The following TNFRSF21 variants were observed in gnomAD, a reference collection of about 807,000 sequenced individuals.
TNFRSF21 encodes tumor necrosis factor receptor superfamily member 21.
In TNFRSF21, 19 loss-of-function variants were observed where a neutral mutation model predicts 45.6. The observed-to-expected ratio is 0.42, with a 90% confidence interval of 0.29 to 0.61. TNFRSF21 has a LOEUF of 0.61. TNFRSF21 is among the 20% of genes least tolerant of loss of function. The pLI is 0.23. For missense variants in TNFRSF21, 737 were observed against 851.5 expected (o/e 0.87, Z 1.67); for synonymous variants, 314 against 335.5 (o/e 0.94, Z 0.70).
chr6:47,253,848 C>A (rs1253683757), intron 3 of TNFRSF21, among the ~76,000 whole-genome samples: 1 of 152,134 alleles, frequency 6.6e-6, no homozygotes, highest in Admixed American at 6.5e-5. Context: ...TAGTAATACA[C>A]CCTTGTTGAA....
intron 3 of TNFRSF21, among the ~76,000 whole-genome samples, chr6:47,270,813 A>G (rs1429285201): frequency 1.3e-5 from 2 of 152,234 alleles, no homozygotes; most frequent in Non-Finnish European, 2.9e-5. Flanking sequence ...AGTGTAGAGA[A>G]GACCTTAAAT....
intron 1 of TNFRSF21, among the ~76,000 whole-genome samples, chr6:47,304,314 T>C (rs1023342978): frequency 2.0e-5 from 3 of 152,154 alleles, no homozygotes; most frequent in Non-Finnish European, 4.4e-5. Flanking sequence ...AAAAAGATGT[T>C]TATTTAAGGC....
In TNFRSF21 at chr6:47,232,659, AAAC is replaced by A. The variant is rs1764604875; in HGVS notation, c.*103_*105del. On this transcript the variant is annotated 3_prime_UTR_variant, in exon 6 of 6. Transcript: ENST00000296861. ...CACACACACACACACACACACACAC[AAAC>A]ACACACACACACCCCAAACAACAAA... 119 of 869,264 alleles carry A rather than the reference AAAC, an allele frequency of 1.4e-4. No individual in the cohort carries two copies. The highest frequency in any genetic ancestry group is 3.5e-4 in the Middle Eastern group (1 of 2,858). The allele number at this position is 869,264 out of a possible 1,614,324, so 53.8% of individuals were successfully genotyped here.
At chr6:47,288,375 G>A (rs113186970) in intron 1 of TNFRSF21, among the ~76,000 whole-genome samples, 2 of 152,172 alleles carry the variant, frequency 1.3e-5, no homozygotes, top group African/African-American at 4.8e-5. Flanking sequence ...AGAGTGGAGA[G>A]AAGGTACAGT....
intron 1 of TNFRSF21, 31 bp downstream of exon 1, chr6:47,309,385 G>A (rs1392596709): frequency 1.3e-6 from 2 of 1,517,114 alleles, no homozygotes; most frequent in Admixed American, 2.0e-5. Flanking sequence ...CTCCGGCGCC[G>A]CCGCCACCCC....
intron 5 of TNFRSF21, 117 bp downstream of exon 5, chr6:47,234,553 G>C: frequency 1.2e-6 from 1 of 826,966 alleles, no homozygotes; most frequent in Non-Finnish European, 1.9e-6. Flanking sequence ...TTCCTGGGCA[G>C]GTAATTCAGA....
At chr6:47,304,527 C>G (rs1163922539) in intron 1 of TNFRSF21, among the ~76,000 whole-genome samples, 2 of 152,318 alleles carry the variant, frequency 1.3e-5, no homozygotes, top group African/African-American at 4.8e-5. Context: ...AAGCTCCCAC[C>G]TATTTGTTCT....
intron 5 of TNFRSF21, among the ~76,000 whole-genome samples, chr6:47,234,183 G>A (rs1252684479): frequency 6.6e-6 from 1 of 151,990 alleles, no homozygotes; most frequent in Non-Finnish European, 1.5e-5. Flanking sequence ...CACCATGTTG[G>A]CCAGGCTCAT....
At chr6:47,291,664 T>C (rs1371663299) in intron 1 of TNFRSF21, among the ~76,000 whole-genome samples, 2 of 152,234 alleles carry the variant, frequency 1.3e-5, no homozygotes, top group African/African-American at 2.4e-5. Flanking sequence ...AAGCCCCCCA[T>C]CTCTGCCTAA....
At position 47,309,459 on chromosome 6, in the gene TNFRSF21, G is replaced by T. The variant is rs760050575; in HGVS notation, c.53C>A (p.Ala18Asp). 1 of 1,535,984 alleles carries T rather than the reference G, an allele frequency of 6.5e-7. No individual in the cohort carries two copies. Among genetic ancestry groups the T allele is most frequent in the South Asian group, 1.2e-5 (1 of 83,342 alleles). The change falls in exon 1 of 6, where the codon GCC (alanine) becomes GAC (aspartate). Residue 18 changes from alanine (A) to aspartate (D), a missense_variant. Ala to Asp is a moderately radical substitution (Grantham distance 126). Transcript: ENST00000296861. ...STALASCSRI[A>D]RRATATMIAG... ...GATCATCGTGGCTGTGGCTCGGCGG[G>T]CGATGCGGCTGCAGGAGGCGAGGGC...
At position 47,253,667 on chromosome 6, in the gene TNFRSF21, T is replaced by G. The variant is rs149629163; in HGVS notation, c.1244-146A>C. The G allele has an allele frequency of 5.0e-5, 46 of 924,262 alleles. No individual in the cohort carries two copies. The African/African-American group carries it at 6.8e-4, about 14-fold the overall frequency. The allele number at this position is 924,262 out of a possible 1,614,324, so 57.3% of individuals were successfully genotyped here. A position where few individuals can be genotyped will look rare whatever the true frequency, so the allele number is the denominator to read the frequency against. ...GGAATGCATTGCCTCCCTTAAGCAC[T>G]TGGCACAAGCAGCTCATCTTGTGGA... On this transcript the variant is annotated intron_variant, in intron 3 of 5. Coordinates refer to ENST00000296861, the MANE Select transcript of TNFRSF21 (RefSeq NM_014452.5).
intron 3 of TNFRSF21, among the ~76,000 whole-genome samples, chr6:47,275,295 C>T (rs1219606720): frequency 6.6e-6 from 1 of 152,094 alleles, no homozygotes; most frequent in African/African-American, 2.4e-5. Flanking sequence ...AAAAATGTGG[C>T]ACATATACAC....
rs548324896 is a variant in TNFRSF21, at chr6:47,259,560, A to G, written c.1244-6039T>C. 5.9e-5 allele frequency among the ~76,000 whole-genome samples: 9 copies of G among 152,228 alleles called. No homozygotes were observed. The East Asian group carries it at 1.4e-3, about 23-fold the overall frequency. Reference sequence around the variant, plus strand: ...CAGCTAATTTTTGTATTTTTAGTAGAGAAGGGGTTTCATCATGTTGGCCAG... The same window carrying G: ...CAGCTAATTTTTGTATTTTTAGTAGGGAAGGGGTTTCATCATGTTGGCCAG... On this transcript the variant is annotated intron_variant, in intron 3 of 5. Coordinates refer to ENST00000296861, the MANE Select transcript of TNFRSF21 (RefSeq NM_014452.5).
rs368710762 is a variant in TNFRSF21 at position 47,296,142 on chromosome 6, G to A, written c.97-9547C>T. Among the ~76,000 whole-genome samples, 19 of 152,306 alleles carry A rather than the reference G, an allele frequency of 1.2e-4. 1 individual carries two copies. The South Asian group carries it at 3.1e-3, about 25-fold the overall frequency. ...CATTTATTTAGTCACTAAGCAGTAA[G>A]TGAATTGGCATTCCATGAAAGACAG... On this transcript the variant is annotated intron_variant, in intron 1 of 5. Coordinates refer to ENST00000296861, the MANE Select transcript of TNFRSF21 (RefSeq NM_014452.5).
At chr6:47,245,062 C>T (rs1019558880) in intron 4 of TNFRSF21, among the ~76,000 whole-genome samples, 8 of 152,142 alleles carry the variant, frequency 5.3e-5, no homozygotes, top group Admixed American at 2.6e-4. Flanking sequence ...ATTCTGATTT[C>T]CTCCCAATGC....
In TNFRSF21 at chr6:47,286,445, T is replaced by C; in HGVS notation, c.247A>G (p.Thr83Ala). 1 of 1,614,244 alleles carries C rather than the reference T, an allele frequency of 6.2e-7. No individual in the cohort carries two copies. The highest frequency in any genetic ancestry group is 8.5e-7 in the Non-Finnish European group (1 of 1,180,044). Residue 83 changes from threonine (T) to alanine (A), a missense_variant, in exon 2 of 6, where the codon ACA becomes GCA. Coordinates refer to ENST00000296861, the MANE Select transcript of TNFRSF21 (RefSeq NM_014452.5). ...CAACTGCTGCAGACGCGCAGGCTTG[T>C]GTTGGTACAATGCTCAGAGACATAG... Reference protein sequence around the residue: ...GTYVSEHCTNTSLRVCSSCPV... With the variant: ...GTYVSEHCTNASLRVCSSCPV...
chr6:47,271,871 C>G (rs537585344), intron 3 of TNFRSF21, among the ~76,000 whole-genome samples: 3 of 152,176 alleles, frequency 2.0e-5, no homozygotes, highest in African/African-American at 7.2e-5. Context: ...CAATCCTAGT[C>G]TCTGATAAAA....
At chr6:47,250,134 A>C (rs1764879918) in intron 4 of TNFRSF21, among the ~76,000 whole-genome samples, 4 of 152,236 alleles carry the variant, frequency 2.6e-5, no homozygotes, top group Admixed American at 2.6e-4. Context: ...AAAAAATCTG[A>C]AATATATGCT....
At chr6:47,308,521 G>A (rs1194952467) in intron 1 of TNFRSF21, among the ~76,000 whole-genome samples, 1 of 152,254 alleles carries the variant, frequency 6.6e-6, no homozygotes, top group Non-Finnish European at 1.5e-5. Context: ...AATAAAGGGA[G>A]GGAATTTGGG....
Sources: gnomAD v4.1 joint callset for allele counts (sites outside exome capture counted in the v4.1 genomes callset) on GRCh38, gnomAD v4.1.1 for gene constraint, MANE v1.5 for transcripts, NCBI Gene and HGNC (gene_info 2026-07-23, HGNC 2026-07-21) for gene names.